MACROD2: variants seen among roughly 807,000 people sequenced by gnomAD.
MACROD2 encodes the protein ADP-ribose glycohydrolase MACROD2.
MACROD2 carries 36 observed loss-of-function variants against 70.4 expected under a neutral mutation model. The ratio of observed to expected loss-of-function variants is 0.51; its 90% CI spans 0.39 to 0.68. The LOEUF is 0.68. Ranked by LOEUF, MACROD2 falls within the 30% of genes least tolerant of loss-of-function variation. The probability of loss-of-function intolerance (pLI) is 0.00; values close to 1 mark genes in which losing one functional copy is unlikely to be tolerated. For missense variants in MACROD2, 496 were observed against 538.4 expected, an observed-to-expected ratio of 0.92 and a Z score of 0.78; for synonymous variants, 172 against 178.8, an observed-to-expected ratio of 0.96 and a Z score of 0.30.
intron 3 of MACROD2, among the ~76,000 whole-genome samples, chr20:14,185,401 T>C (rs956228848): frequency 6.6e-6 from 1 of 152,254 alleles, no homozygotes; most frequent in East Asian, 1.9e-4. Flanking sequence ...TTGGAAATCA[T>C]AAAGGCAAAC....
intron 4 of MACROD2, among the ~76,000 whole-genome samples, chr20:14,669,801 T>A (rs1489155892): frequency 1.3e-5 from 2 of 151,992 alleles, no homozygotes; most frequent in Non-Finnish European, 2.9e-5. Context: ...ATCTGGTCTC[T>A]GAAGGAGACT....
intron 5 of MACROD2, among the ~76,000 whole-genome samples, chr20:15,076,187 T>C (rs914152436): frequency 5.3e-5 from 8 of 152,192 alleles, no homozygotes; most frequent in Non-Finnish European, 1.0e-4. Context: ...ATATCACCAA[T>C]ATTTTTAATG....
In MACROD2 at chr20:14,460,049, A is replaced by C. The variant is rs1036988290; in HGVS notation, c.272-33430A>C. Among the ~76,000 whole-genome samples, 2 of 152,148 alleles carry C rather than the reference A, an allele frequency of 1.3e-5. 1 individual carries two copies. The highest frequency in any genetic ancestry group is 4.8e-5 in the African/African-American group (2 of 41,396). On this transcript the variant is annotated intron_variant, in intron 3 of 17. Coordinates refer to ENST00000684519, the MANE Select transcript of MACROD2 (RefSeq NM_001351661.2). ...CTCCATCCATGTACCTGCAAAGGAC[A>C]TGAACTCATCCTTTTTTATGGCTGC...
chr20:15,589,292 A>G (rs891930009), intron 8 of MACROD2, among the ~76,000 whole-genome samples: 12 of 152,224 alleles, frequency 7.9e-5, no homozygotes, highest in Non-Finnish European at 1.6e-4. Context: ...GGGAGATACA[A>G]TTCAAGTTGA....
chr20:14,338,817 A>C (rs1052353318), intron 3 of MACROD2, among the ~76,000 whole-genome samples: 16 of 152,150 alleles, frequency 1.1e-4, no homozygotes, highest in Non-Finnish European at 2.2e-4. Flanking sequence ...TTGTATTTTT[A>C]ATTATGATTT....
In MACROD2 at chr20:14,835,593, G is replaced by C. The variant is rs753547719; in HGVS notation, c.418+150634G>C. Among the ~76,000 whole-genome samples the C allele has an allele frequency of 2.0e-5, 3 of 152,006 alleles. No homozygotes were observed. In the East Asian group the frequency reaches 5.8e-4, roughly 29 times the overall value. On this transcript the variant is annotated intron_variant, in intron 5 of 17. Coordinates refer to ENST00000684519, the MANE Select transcript of MACROD2 (RefSeq NM_001351661.2). ...CAAGTACAGAGGGGATGACCCAGGAGCACAGTGCCTATGGGACTGACTCTA... is the reference window on the plus strand; with the variant it reads ...CAAGTACAGAGGGGATGACCCAGGACCACAGTGCCTATGGGACTGACTCTA...
At chr20:14,236,574 A>G (rs2081873948) in intron 3 of MACROD2, among the ~76,000 whole-genome samples, 1 of 152,156 alleles carries the variant, frequency 6.6e-6, no homozygotes, top group Non-Finnish European at 1.5e-5. Flanking sequence ...TTTACTCAAC[A>G]TAAATAATTA....
At chr20:14,611,531 A>G (rs1041661890) in intron 4 of MACROD2, among the ~76,000 whole-genome samples, 4 of 150,458 alleles carry the variant, frequency 2.7e-5, no homozygotes, top group African/African-American at 4.9e-5. Context: ...ACTAAAATAC[A>G]TAATTCAAAA....
intron 3 of MACROD2, among the ~76,000 whole-genome samples, chr20:14,110,239 A>G (rs2054431181): frequency 6.6e-6 from 1 of 152,018 alleles, no homozygotes; most frequent in Non-Finnish European, 1.5e-5. Context: ...TCAACATAAT[A>G]AAAGCCATGT....
At chr20:14,084,162 A>T (rs898229765) in intron 2 of MACROD2, among the ~76,000 whole-genome samples, 9 of 151,228 alleles carry the variant, frequency 6.0e-5, no homozygotes, top group African/African-American at 2.2e-4. Flanking sequence ...TTTTATGGTC[A>T]TAGATTATTT....
intron 5 of MACROD2, among the ~76,000 whole-genome samples, chr20:14,845,668 G>C (rs2073132410): frequency 6.6e-6 from 1 of 152,000 alleles, no homozygotes; most frequent in Admixed American, 6.6e-5. Flanking sequence ...GTTAGGGCAA[G>C]TAGTTTGACT....
intron 5 of MACROD2, among the ~76,000 whole-genome samples, chr20:14,994,156 T>G (rs1460199905): frequency 1.3e-5 from 2 of 152,150 alleles, no homozygotes; most frequent in African/African-American, 4.8e-5. Flanking sequence ...ACAGGATAGA[T>G]ATGTACATAC....
chr20:16,041,181 G>A lies in MACROD2; in HGVS notation c.1154-20G>A, dbSNP rs1014654700. On this transcript the variant is annotated intron_variant, in intron 15 of 17. Coordinates refer to ENST00000684519, the MANE Select transcript of MACROD2 (RefSeq NM_001351661.2). ...TATAATTCTCTATTCATCAGGGACT[G>A]TGGTCTTTTTCTCTTCCAGCTCCAG... 1 of 1,605,860 alleles carries A rather than the reference G, an allele frequency of 6.2e-7. No individual in the cohort carries two copies. Among genetic ancestry groups the A allele is most frequent in the African/African-American group, 1.3e-5 (1 of 74,638 alleles).
chr20:14,503,756 A>C (rs566619377), intron 4 of MACROD2, among the ~76,000 whole-genome samples: 22 of 152,224 alleles, frequency 1.4e-4, no homozygotes, highest in Non-Finnish European at 2.8e-4. Flanking sequence ...GATGCTGAAC[A>C]CACCAAAGGC....
chr20:15,701,449 T>C (rs564347614), intron 8 of MACROD2, among the ~76,000 whole-genome samples: 1 of 152,336 alleles, frequency 6.6e-6, no homozygotes, highest in African/African-American at 2.4e-5. Context: ...TTATTATATA[T>C]TTACTTCTTT....
chr20:14,380,493 G>A (rs1416672272), intron 3 of MACROD2, among the ~76,000 whole-genome samples: 2 of 152,066 alleles, frequency 1.3e-5, no homozygotes, highest in Non-Finnish European at 2.9e-5. Flanking sequence ...CCAAATCCAA[G>A]ATCAAGAAGA....
At chr20:15,899,015 A>G (rs983296172) in intron 10 of MACROD2, among the ~76,000 whole-genome samples, 1 of 151,490 alleles carries the variant, frequency 6.6e-6, no homozygotes, top group Non-Finnish European at 1.5e-5. Context: ...TGTGCTATCT[A>G]TTGTATGTAT....
At chr20:15,222,180 CA>C (rs2076867610) in intron 5 of MACROD2, among the ~76,000 whole-genome samples, 2 of 152,184 alleles carry the variant, frequency 1.3e-5, no homozygotes, top group South Asian at 4.1e-4. Flanking sequence ...AGAAATCCTT[CA>C]TACAGCTGAA....
At chr20:14,736,078 T>C (rs189367428) in intron 5 of MACROD2, among the ~76,000 whole-genome samples, 1 of 152,284 alleles carries the variant, frequency 6.6e-6, no homozygotes, top group African/African-American at 2.4e-5. Flanking sequence ...CAAGCCCATA[T>C]ATCCATCATT....
Sources: gnomAD v4.1 joint callset for allele counts (sites outside exome capture counted in the v4.1 genomes callset) on GRCh38, gnomAD v4.1.1 for gene constraint, MANE v1.5 for transcripts, NCBI Gene and HGNC (gene_info 2026-07-23, HGNC 2026-07-21) for gene names.